The following ARHGAP22 variants were observed in gnomAD, a reference collection of about 807,000 sequenced individuals.
ARHGAP22 encodes the protein Rho GTPase activating protein 22, also known as rho GTPase-activating protein 22.
A neutral mutation model predicts 59.1 loss-of-function variants in ARHGAP22; 48 were observed. The observed-to-expected ratio is 0.81, with a 90% CI of 0.64 to 1.03. The LOEUF (loss-of-function observed/expected upper bound fraction) is 1.03, where lower values mean the gene tolerates loss of function less well. ARHGAP22 is among the 50% of genes least tolerant of loss of function. The pLI is 0.00. For synonymous variants in ARHGAP22, 445 were observed against 416.4 expected (o/e 1.07, Z -0.84); for missense variants, 1,015 against 958.7 (o/e 1.06, Z -0.78).
intron 3 of ARHGAP22, among the ~76,000 whole-genome samples, chr10:48,517,567 C>T (rs2053406138): frequency 6.6e-6 from 1 of 152,164 alleles, no homozygotes; most frequent in South Asian, 2.1e-4. Context: ...AGACTTGCTG[C>T]CCTAAGGGCC....
chr10:48,619,945 G>A (rs748562618), intron 1 of ARHGAP22, among the ~76,000 whole-genome samples: 26 of 152,114 alleles, frequency 1.7e-4, no homozygotes, highest in Admixed American at 1.2e-3. Context: ...TGCAAACTAT[G>A]TATCTGACAA....
At chr10:48,457,342 T>G (rs937611179) in intron 5 of ARHGAP22, among the ~76,000 whole-genome samples, 2 of 152,100 alleles carry the variant, frequency 1.3e-5, no homozygotes, top group East Asian at 3.9e-4. Flanking sequence ...GCAGGGCTCC[T>G]CCCTGAGCAG....
intron 2 of ARHGAP22, among the ~76,000 whole-genome samples, chr10:48,566,823 C>T (rs978128569): frequency 1.2e-4 from 19 of 152,218 alleles, no homozygotes; most frequent in Non-Finnish European, 2.6e-4. Flanking sequence ...CACCGGCTCC[C>T]TGCACCCTCC....
chr10:48,634,909 C>G (rs531541172), intron 1 of ARHGAP22, among the ~76,000 whole-genome samples: 16 of 152,276 alleles, frequency 1.1e-4, no homozygotes, highest in African/African-American at 3.9e-4. Flanking sequence ...CAGATACCAA[C>G]TGTGTGAAGA....
intron 1 of ARHGAP22, among the ~76,000 whole-genome samples, chr10:48,641,701 C>T (rs1032342834): frequency 4.6e-5 from 7 of 152,194 alleles, no homozygotes; most frequent in African/African-American, 1.7e-4. Flanking sequence ...GGGATGCCCT[C>T]TCTCACCACT....
At chr10:48,589,330 C>T (rs1441235855) in intron 1 of ARHGAP22, among the ~76,000 whole-genome samples, 1 of 152,134 alleles carries the variant, frequency 6.6e-6, no homozygotes, top group Non-Finnish European at 1.5e-5. Context: ...CTTTCCGCTT[C>T]CCCAGCCTGC....
upstream of ARHGAP22, chr10:48,655,363 C>G (rs2062779339): frequency 6.6e-6 from 1 of 150,954 alleles, no homozygotes; most frequent in Non-Finnish European, 1.5e-5. Flanking sequence ...ATAGTGGGGA[C>G]AAGGTCCTAC....
intron 1 of ARHGAP22, among the ~76,000 whole-genome samples, chr10:48,617,247 A>G (rs2061115915): frequency 6.6e-6 from 1 of 152,026 alleles, no homozygotes; most frequent in African/African-American, 2.4e-5. Flanking sequence ...CCCAAATACA[A>G]TGATAATTGT....
chr10:48,643,158 G>A (rs529594441), intron 1 of ARHGAP22, among the ~76,000 whole-genome samples: 2 of 152,266 alleles, frequency 1.3e-5, no homozygotes, highest in South Asian at 2.1e-4. Flanking sequence ...AAACTAGTTC[G>A]ACCATTGTGG....
At chr10:48,451,325 A>C in intron 8 of ARHGAP22, 185 bp from the exon 9 acceptor site, 2 of 845,520 alleles carry the variant, frequency 2.4e-6, no homozygotes, top group Non-Finnish European at 3.9e-6. Flanking sequence ...CAGGCAGGAC[A>C]GCAGGATGGG....
At chr10:48,562,784 G>A (rs1216390765) in intron 2 of ARHGAP22, among the ~76,000 whole-genome samples, 1 of 152,142 alleles carries the variant, frequency 6.6e-6, no homozygotes, top group African/African-American at 2.4e-5. Context: ...GCAGTTCATT[G>A]TATGTCAATT....
intron 3 of ARHGAP22, among the ~76,000 whole-genome samples, chr10:48,503,020 C>A (rs1441431117): frequency 3.9e-5 from 6 of 152,226 alleles, no homozygotes; most frequent in Admixed American, 3.3e-4. Flanking sequence ...GCTCGCCTGG[C>A]TCTGAGGCTG....
chr10:48,465,732 G>A (rs537546609), intron 4 of ARHGAP22, among the ~76,000 whole-genome samples: 1 of 152,324 alleles, frequency 6.6e-6, no homozygotes, highest in Admixed American at 6.5e-5. Flanking sequence ...GACATAGTCT[G>A]GGAAGAGGCA....
chr10:48,655,101 T>TCTCTC (rs1554968178), upstream of ARHGAP22, among the ~76,000 whole-genome samples: 35 of 75,378 alleles, frequency 4.6e-4, 9 homozygotes, highest in African/African-American at 1.8e-3. Flanking sequence ...TCTCTTCTCT[T>TCTCTC]CTCTTCTCTT....
At chr10:48,526,629 C>T (rs992039650) in intron 3 of ARHGAP22, among the ~76,000 whole-genome samples, 1 of 152,154 alleles carries the variant, frequency 6.6e-6, no homozygotes, top group Admixed American at 6.5e-5. Flanking sequence ...GTGAGCCCCT[C>T]GGGTGATTGT....
At chr10:48,517,961 C>A (rs549241390) in intron 3 of ARHGAP22, among the ~76,000 whole-genome samples, 1 of 152,248 alleles carries the variant, frequency 6.6e-6, no homozygotes, top group South Asian at 2.1e-4. Context: ...CGTGCCTATC[C>A]CCATTGCAGG....
At chr10:48,609,574 C>G (rs143146522), upstream of ARHGAP22, among the ~76,000 whole-genome samples, 746 of 152,290 alleles carry the variant, frequency 4.9e-3, 6 homozygotes, top group Non-Finnish European at 6.1e-3. Context: ...TGTATTGAGT[C>G]ATTTCATAGT....
intron 4 of ARHGAP22, among the ~76,000 whole-genome samples, chr10:48,477,665 A>T (rs1411587190): frequency 6.6e-6 from 1 of 152,186 alleles, no homozygotes; most frequent in African/African-American, 2.4e-5. Flanking sequence ...TCAGTCATTT[A>T]GTCATTCTGG....
At chr10:48,619,079 A>G (rs2061193128) in intron 1 of ARHGAP22, among the ~76,000 whole-genome samples, 1 of 152,092 alleles carries the variant, frequency 6.6e-6, no homozygotes, top group Non-Finnish European at 1.5e-5. Flanking sequence ...AAAAGATATG[A>G]AGAAAGCAAT....
Sources: allele counts gnomAD v4.1 joint callset (sites outside exome capture counted in the v4.1 genomes callset), GRCh38; gene constraint gnomAD v4.1.1; transcripts MANE v1.5; gene names NCBI Gene and HGNC (gene_info 2026-07-23, HGNC 2026-07-21).